The following CMTR1 variants were observed in gnomAD, a reference collection of about 807,000 sequenced individuals.
CMTR1 encodes cap-specific mRNA (nucleoside-2'-O-)-methyltransferase 1.
Under a neutral mutation model 107.0 loss-of-function variants are expected in CMTR1, and 39 were observed. The observed-to-expected ratio is 0.36, with a 90% CI of 0.28 to 0.48. The LOEUF is 0.48. Among genes scored for constraint, CMTR1 ranks in the 20% least tolerant of loss-of-function variants. The pLI is 0.99. For synonymous variants in CMTR1, 366 were observed against 379.5 expected (o/e 0.96, Z 0.41); for missense variants, 672 against 1,064.9 (o/e 0.63, Z 5.14).
upstream of CMTR1, among the ~76,000 whole-genome samples, chr6:37,428,889 C>T (rs1382941967): frequency 6.6e-6 from 1 of 152,178 alleles, no homozygotes; most frequent in Admixed American, 6.5e-5. Flanking sequence ...TTTCTTTGGG[C>T]ATTTACTGTT....
chr6:37,459,934 T>C (rs2113879339), intron 10 of CMTR1, among the ~76,000 whole-genome samples: 1 of 152,342 alleles, frequency 6.6e-6, no homozygotes, highest in Admixed American at 6.5e-5. Flanking sequence ...TGTCTATACA[T>C]GGTCACCTGT....
chr6:37,442,220 C>T (rs559255031), intron 2 of CMTR1, among the ~76,000 whole-genome samples: 1 of 152,296 alleles, frequency 6.6e-6, no homozygotes, highest in South Asian at 2.1e-4. Flanking sequence ...ATCTTTTAAA[C>T]GGTATCAGTG....
chr6:37,465,388 CTT>C (rs1324665238), intron 13 of CMTR1, among the ~76,000 whole-genome samples: 2 of 151,990 alleles, frequency 1.3e-5, no homozygotes, highest in Non-Finnish European at 2.9e-5. Context: ...TATTATCAGT[CTT>C]TTATTTTAAC....
chr6:37,454,696 A>G lies in CMTR1; in HGVS notation c.777+1384A>G, dbSNP rs1761254616. Among the ~76,000 whole-genome samples, 3 of 152,306 alleles carry G rather than the reference A, an allele frequency of 2.0e-5. No individual in the cohort carries two copies. The South Asian group carries it at 6.2e-4, about 32-fold the overall frequency. Reference sequence around the variant, plus strand: ...CATAGGAAAAGGCAGCCGTGTTTGTAATGCTTCAGGCAGCTTCTTGACCTG... The same window carrying G: ...CATAGGAAAAGGCAGCCGTGTTTGTGATGCTTCAGGCAGCTTCTTGACCTG... On this transcript the variant is annotated intron_variant, in intron 8 of 23. Transcript: ENST00000373451.
intron 4 of CMTR1, 56 bp downstream of exon 4, chr6:37,446,505 G>A: frequency 6.4e-7 from 1 of 1,558,522 alleles, no homozygotes; most frequent in Non-Finnish European, 8.7e-7. Context: ...TGGATGCATG[G>A]CTTTAAGAAG....
intron 20 of CMTR1, among the ~76,000 whole-genome samples, chr6:37,476,585 G>A (rs1454916174): frequency 6.6e-6 from 1 of 151,752 alleles, no homozygotes; most frequent in East Asian, 1.9e-4. Context: ...GAGAAGGATT[G>A]TTTGAGGGAA....
chr6:37,458,610 A>G lies in CMTR1; in HGVS notation c.778-2A>G. 2 of 1,612,930 alleles carry G rather than the reference A, an allele frequency of 1.2e-6. No homozygotes were observed. Among genetic ancestry groups the G allele is most frequent in the East Asian group, 2.2e-5 (1 of 44,886 alleles). On this transcript the variant is annotated splice_acceptor_variant, in intron 8 of 23. Transcript: ENST00000373451. LOFTEE classifies it high-confidence loss of function. This position sits in a 1 kb window ranked among gnomAD's most constrained non-coding sequence, Gnocchi z 4.7. ...TCTCCTGTCCTCCACTTGCCTTTGC[A>G]GAAGCCACTGGTGAAGGACCGGGAA...
chr6:37,441,705 C>T (rs1771681185), intron 2 of CMTR1, among the ~76,000 whole-genome samples: 1 of 152,204 alleles, frequency 6.6e-6, no homozygotes, highest in Non-Finnish European at 1.5e-5. Flanking sequence ...AGCTACCGTG[C>T]CTGGACCTTG....
At chr6:37,451,990 TG>T (rs1426201401) in intron 6 of CMTR1, 113 bp downstream of exon 6, 7 of 811,902 alleles carry the variant, frequency 8.6e-6, no homozygotes, top group African/African-American at 1.7e-5. Flanking sequence ...AGATTTTTGC[TG>T]GAGATCAGAT....
Position 37,477,600 on chromosome 6 carries a change from A to T in CMTR1, c.2114A>T (p.Glu705Val). 1 of 1,612,338 alleles carries T rather than the reference A, an allele frequency of 6.2e-7. No individual in the cohort carries two copies. Among genetic ancestry groups the T allele is most frequent in the Non-Finnish European group, 8.5e-7 (1 of 1,178,812 alleles). ...TGTCCCTCTACCTGCAGGGTGAAGGAGGTGTACAGACTGGAAGAGATGGAG... is the reference window on the plus strand; with the variant it reads ...TGTCCCTCTACCTGCAGGGTGAAGGTGGTGTACAGACTGGAAGAGATGGAG... ...RPDMNPIRVK[E>V]VYRLEEMEKI... Residue 705 changes from glutamate (E) to valine (V), a missense_variant, in exon 21 of 24, where the codon GAG becomes GTG. This residue lies in a region of CMTR1 where 583 missense variants were observed against 968.4 expected (regional missense o/e 0.60). Coordinates refer to ENST00000373451, the MANE Select transcript of CMTR1 (RefSeq NM_015050.3).
chr6:37,465,776 T>C (rs1294579945), intron 13 of CMTR1, among the ~76,000 whole-genome samples: 4 of 152,220 alleles, frequency 2.6e-5, no homozygotes, highest in African/African-American at 9.6e-5. Context: ...ATTTCAGGCA[T>C]GAGCCACCAT....
In CMTR1 at chr6:37,453,292, A is replaced by C; in HGVS notation, c.757A>C (p.Asn253His). The change falls in exon 8 of 24, where the codon AAT becomes CAT. Residue 253 changes from asparagine (N) to histidine (H), a missense_variant. Asn to His is a moderately conservative substitution (Grantham distance 68). Around this residue, in one of 2 missense-constraint regions of CMTR1, gnomAD observed 583 missense variants for 968.4 expected, o/e 0.60. Transcript: ENST00000373451. The stretch of plus-strand genomic sequence containing the variant: ...TTTTGTATTTGATCGCATGTTCACA[A>C]ATCCGCGGGACTCTTATGGGGTGAG... Reference protein sequence around the residue: ...MDFVFDRMFTNPRDSYGKPLV... With the variant: ...MDFVFDRMFTHPRDSYGKPLV... 2 of 1,614,182 alleles carry C rather than the reference A, an allele frequency of 1.2e-6. No homozygotes were observed. The highest frequency in any genetic ancestry group is 8.5e-7 in the Non-Finnish European group (1 of 1,180,020).
chr6:37,479,239 T>G lies in CMTR1; in HGVS notation c.2359T>G (p.Ser787Ala), dbSNP rs1761805935. ...CTCTACTTTTGACCTCCCTGCAGAC[T>G]CCATTGCCCCATTTCAGTAAGTAGC... ...KDSTFDLPAD[S>A]IAPFHICYYG... Residue 787 changes from serine (S) to alanine (A), a missense_variant, in exon 23 of 24, where the codon TCC becomes GCC. Transcript: ENST00000373451. 1 of 1,611,432 alleles carries G rather than the reference T, an allele frequency of 6.2e-7. No homozygotes were observed. The highest frequency in any genetic ancestry group is 8.5e-7 in the Non-Finnish European group (1 of 1,177,542).
intron 13 of CMTR1, among the ~76,000 whole-genome samples, chr6:37,465,577 C>A (rs1761490788): frequency 6.6e-6 from 1 of 152,144 alleles, no homozygotes; most frequent in African/African-American, 2.4e-5. Context: ...TATTAAGTTG[C>A]AGGAATTATT....
chr6:37,454,433 C>T (rs1761248637), intron 8 of CMTR1, among the ~76,000 whole-genome samples: 2 of 152,230 alleles, frequency 1.3e-5, no homozygotes. Context: ...GAATTAGCAT[C>T]TTGAGAAAAT....
At chr6:37,435,897 A>G in intron 2 of CMTR1, 135 bp downstream of exon 2, 1 of 836,350 alleles carries the variant, frequency 1.2e-6, no homozygotes, top group Non-Finnish European at 1.7e-6. Context: ...CTACAGAGAG[A>G]TGTTGGCTAT....
At chr6:37,429,348 A>T, upstream of CMTR1, among the ~76,000 whole-genome samples, 1 of 152,300 alleles carries the variant, frequency 6.6e-6, no homozygotes, top group East Asian at 1.9e-4. Flanking sequence ...TCTTTAAATT[A>T]TGGTAAAAAA....
At chr6:37,475,452 C>A in intron 19 of CMTR1, 40 bp downstream of exon 19, 1 of 1,563,422 alleles carries the variant, frequency 6.4e-7, no homozygotes, top group Non-Finnish European at 8.8e-7. Context: ...TGGGGGTAGG[C>A]CAGGGCAGCT....
intron 21 of CMTR1, 141 bp from the exon 22 acceptor site, chr6:37,478,268 C>G (rs1378309589): frequency 4.5e-6 from 3 of 671,906 alleles, no homozygotes; most frequent in Middle Eastern, 2.6e-4. Flanking sequence ...GCATGGCCAC[C>G]CACTCGGCTG....
Sources: gnomAD v4.1 joint callset for allele counts (sites outside exome capture counted in the v4.1 genomes callset) on GRCh38, gnomAD v4.1.1 for gene constraint, gnomAD v4.1.1 regional missense constraint, Gnocchi (gnomAD v3.1) non-coding constraint, MANE v1.5 for transcripts, NCBI Gene and HGNC (gene_info 2026-07-23, HGNC 2026-07-21) for gene names.